Variants in PLPPR1 observed in about 807,000 individuals in gnomAD.
PLPPR1 encodes the protein phospholipid phosphatase related 1.
In PLPPR1, 10 loss-of-function variants were observed where a neutral mutation model predicts 33.1. The ratio of observed to expected loss-of-function variants is 0.30; its 90% CI spans 0.19 to 0.51. The LOEUF is 0.51. Among genes scored for constraint, PLPPR1 ranks in the 20% least tolerant of loss-of-function variants. The pLI is 0.97. For synonymous variants in PLPPR1, 151 were observed against 151.0 expected, an observed-to-expected ratio of 1.00 and a Z score of 0.00; for missense variants, 304 against 408.1, an observed-to-expected ratio of 0.74 and a Z score of 2.20.
At chr9:101,216,993 G>A (rs996740715) in intron 2 of PLPPR1, among the ~76,000 whole-genome samples, 12 of 152,114 alleles carry the variant, frequency 7.9e-5, no homozygotes, top group Admixed American at 3.3e-4. Flanking sequence ...GGTAAGGTAG[G>A]CATTACTAAG....
chr9:101,113,091 AT>A (rs1178698889), intron 1 of PLPPR1, among the ~76,000 whole-genome samples: 3 of 152,212 alleles, frequency 2.0e-5, no homozygotes, highest in Non-Finnish European at 4.4e-5. Context: ...TGGCTGTGTT[AT>A]TCTTTTAGAC....
intron 2 of PLPPR1, among the ~76,000 whole-genome samples, chr9:101,228,896 G>A (rs1361279719): frequency 6.6e-6 from 1 of 151,328 alleles, no homozygotes; most frequent in Non-Finnish European, 1.5e-5. Context: ...TACAAAATAA[G>A]TGAGTTGAAT....
At chr9:101,130,687 C>T (rs866924083) in intron 1 of PLPPR1, among the ~76,000 whole-genome samples, 1 of 152,234 alleles carries the variant, frequency 6.6e-6, no homozygotes, top group African/African-American at 2.4e-5. Context: ...ATAGATAATA[C>T]AAAATCACTT....
chr9:101,066,760 A>G (rs1233818617), intron 1 of PLPPR1, among the ~76,000 whole-genome samples: 1 of 151,982 alleles, frequency 6.6e-6, no homozygotes, highest in Non-Finnish European at 1.5e-5. Flanking sequence ...CTCATCTTGT[A>G]TATTTTATTC....
At chr9:101,221,432 TG>T (rs1265813507) in intron 2 of PLPPR1, among the ~76,000 whole-genome samples, 6 of 152,206 alleles carry the variant, frequency 3.9e-5, no homozygotes, top group Non-Finnish European at 7.3e-5. Context: ...CTTCCCCAGC[TG>T]GCTCCTATGG....
At chr9:101,261,531 A>T (rs1399625076) in intron 2 of PLPPR1, among the ~76,000 whole-genome samples, 1 of 152,192 alleles carries the variant, frequency 6.6e-6, no homozygotes, top group African/African-American at 2.4e-5. Context: ...TCACAAGAGG[A>T]TGTCCTTCTT....
At chr9:101,153,999 T>C (rs3983744) in intron 1 of PLPPR1, among the ~76,000 whole-genome samples, 69,229 of 151,932 alleles carry the variant, frequency 0.46, 16,210 homozygotes, top group Non-Finnish European at 0.51. Context: ...TCTGTTTATA[T>C]GCTGGATTAC....
At chr9:101,146,118 T>G (rs1279437174) in intron 1 of PLPPR1, among the ~76,000 whole-genome samples, 1 of 152,210 alleles carries the variant, frequency 6.6e-6, no homozygotes, top group Non-Finnish European at 1.5e-5. Context: ...CCCATAGTGC[T>G]TCATATCTCT....
At chr9:101,263,322 T>C (rs1436277044) in intron 2 of PLPPR1, among the ~76,000 whole-genome samples, 2 of 152,206 alleles carry the variant, frequency 1.3e-5, no homozygotes, top group Non-Finnish European at 2.9e-5. Context: ...TTTGATCTTA[T>C]AGATATTGAC....
At chr9:101,112,691 G>A (rs954174794) in intron 1 of PLPPR1, among the ~76,000 whole-genome samples, 2 of 152,222 alleles carry the variant, frequency 1.3e-5, no homozygotes, top group African/African-American at 2.4e-5. Context: ...ATGTGGGAAT[G>A]AGGAATGCTG....
intron 4 of PLPPR1, among the ~76,000 whole-genome samples, chr9:101,307,669 A>G (rs1828880287): frequency 6.6e-6 from 1 of 152,216 alleles, no homozygotes; most frequent in African/African-American, 2.4e-5. Flanking sequence ...AACCAGACGA[A>G]GGTTTCAGCC....
At chr9:101,041,556 T>A (rs561086070) in intron 1 of PLPPR1, among the ~76,000 whole-genome samples, 7 of 152,304 alleles carry the variant, frequency 4.6e-5, no homozygotes, top group Admixed American at 2.6e-4. Flanking sequence ...TAAGTGTGAA[T>A]GTACCTCTGG....
chr9:101,315,480 T>G (rs2118964025), intron 6 of PLPPR1, among the ~76,000 whole-genome samples: 1 of 152,270 alleles, frequency 6.6e-6, no homozygotes, highest in Non-Finnish European at 1.5e-5. Context: ...GATATTGGGG[T>G]TTGCTGAAGC....
Position 101,066,798 on chromosome 9 carries a change from A to G in PLPPR1, c.-46+37696A>G, listed in dbSNP as rs149804571. On this transcript the variant is annotated intron_variant, in intron 1 of 7. Transcript: ENST00000374874. ...CTGACCTAGAATCAGCCATTTTTTC[A>G]AGGATTCCTGGTCCTTTAATTGGAA... 2.5e-3 allele frequency among the ~76,000 whole-genome samples: 386 copies of G among 152,040 alleles called. 1 individual carries two copies. Among genetic ancestry groups the G allele is most frequent in the African/African-American group, 8.6e-3 (359 of 41,524 alleles).
intron 1 of PLPPR1, among the ~76,000 whole-genome samples, chr9:101,054,330 A>G (rs1830257327): frequency 6.6e-6 from 1 of 151,388 alleles, no homozygotes; most frequent in African/African-American, 2.4e-5. Flanking sequence ...CCTGAATTCT[A>G]TAACGTAATT....
Position 101,037,584 on chromosome 9 carries a change from C to T in PLPPR1, c.-46+8482C>T, listed in dbSNP as rs561329178. Among the ~76,000 whole-genome samples, 14 of 152,174 alleles carry T rather than the reference C, an allele frequency of 9.2e-5. 1 individual carries two copies. The highest frequency in any genetic ancestry group is 2.9e-4 in the African/African-American group (12 of 41,520). ...ATATCTGGGTGAGAGCACTGCTGTT[C>T]GGCTCAGCAGCTCTGTAAGCCAAGC... On this transcript the variant is annotated intron_variant, in intron 1 of 7. Transcript: ENST00000374874.
At chr9:101,085,735 C>A (rs557559833) in intron 1 of PLPPR1, among the ~76,000 whole-genome samples, 17 of 152,084 alleles carry the variant, frequency 1.1e-4, no homozygotes, top group African/African-American at 4.1e-4. Flanking sequence ...GAGGCTGGGG[C>A]TAGTTTTCAG....
At chr9:101,243,863 A>G (rs1231258979) in intron 2 of PLPPR1, among the ~76,000 whole-genome samples, 1 of 151,940 alleles carries the variant, frequency 6.6e-6, no homozygotes, top group East Asian at 1.9e-4. Flanking sequence ...TTCAACATAC[A>G]AGAGATAGCT....
intron 2 of PLPPR1, among the ~76,000 whole-genome samples, chr9:101,232,068 C>A (rs1439421065): frequency 6.6e-6 from 1 of 151,952 alleles, no homozygotes; most frequent in African/African-American, 2.4e-5. Flanking sequence ...AAGCATATTG[C>A]CGTGGAAAAA....
Sources: allele counts gnomAD v4.1 joint callset (sites outside exome capture counted in the v4.1 genomes callset), GRCh38; gene constraint gnomAD v4.1.1; transcripts MANE v1.5; gene names NCBI Gene and HGNC (gene_info 2026-07-23, HGNC 2026-07-21).